Variants in RIMS1 observed in about 807,000 individuals in gnomAD.
RIMS1 encodes the protein regulating synaptic membrane exocytosis 1.
In RIMS1, 83 loss-of-function variants were observed where a neutral mutation model predicts 214.1. The ratio of observed to expected loss-of-function variants is 0.39; its 90% CI spans 0.32 to 0.47. The LOEUF (loss-of-function observed/expected upper bound fraction) is 0.47, where lower values mean the gene tolerates loss of function less well. Among genes scored for constraint, RIMS1 ranks in the 20% least tolerant of loss-of-function variants. The probability of loss-of-function intolerance (pLI) is 0.99; values close to 1 mark genes in which losing one functional copy is unlikely to be tolerated. For synonymous variants in RIMS1, 793 were observed against 786.8 expected, an observed-to-expected ratio of 1.01 and a Z score of -0.13; for missense variants, 2,050 against 2,161.8, an observed-to-expected ratio of 0.95 and a Z score of 1.03.
chr6:72,270,499 T>G (rs752545786), intron 22 of RIMS1, among the ~76,000 whole-genome samples: 5 of 152,176 alleles, frequency 3.3e-5, no homozygotes, highest in Admixed American at 6.5e-5. Flanking sequence ...AAAAAACACC[T>G]TCTACTTTTC....
chr6:72,143,022 T>C (rs996871969), intron 4 of RIMS1, among the ~76,000 whole-genome samples: 8 of 152,152 alleles, frequency 5.3e-5, no homozygotes, highest in Non-Finnish European at 1.2e-4. Context: ...GTAATCGTGA[T>C]CAAAGAATTG....
At chr6:71,934,666 G>T (rs951178938) in intron 1 of RIMS1, among the ~76,000 whole-genome samples, 2 of 152,066 alleles carry the variant, frequency 1.3e-5, no homozygotes, top group Non-Finnish European at 2.9e-5. Flanking sequence ...CAATATTAGC[G>T]GGATTATATT....
intron 13 of RIMS1, 75 bp downstream of exon 13, chr6:72,250,535 TG>T: frequency 4.5e-6 from 5 of 1,121,408 alleles, no homozygotes; most frequent in Non-Finnish European, 6.3e-6. Context: ...TCTTTTGGGA[TG>T]TTTTTAAAAA....
At position 72,263,097 on chromosome 6, in the gene RIMS1, G is replaced by A. The variant is rs538205462; in HGVS notation, c.3117-1878G>A. On this transcript the variant is annotated intron_variant, in intron 19 of 33. Coordinates refer to ENST00000521978, the MANE Select transcript of RIMS1 (RefSeq NM_014989.7). ...AGTTTTTCCAAAAATATGAAAACTT[G>A]TCCTATGAGATGTTTCACCAATAAG... 1.0e-5 allele frequency: 10 copies of A among 982,492 alleles called. No homozygotes were observed. In the African/African-American group the frequency reaches 1.0e-4, roughly 10 times the overall value. The allele number at this position is 982,492 out of a possible 1,614,324, so 60.9% of individuals were successfully genotyped here. A position where few individuals can be genotyped will look rare whatever the true frequency, so the allele number is the denominator to read the frequency against.
chr6:72,114,960 A>G (rs969162388), intron 4 of RIMS1, among the ~76,000 whole-genome samples: 2 of 151,900 alleles, frequency 1.3e-5, no homozygotes, highest in Admixed American at 6.6e-5. Flanking sequence ...GAATAAAAAG[A>G]GGCTCCCACC....
At chr6:72,308,076 T>C (rs1395190587) in intron 27 of RIMS1, among the ~76,000 whole-genome samples, 1 of 152,134 alleles carries the variant, frequency 6.6e-6, no homozygotes, top group Non-Finnish European at 1.5e-5. Context: ...TATTTGACTA[T>C]TGATATTTGT....
rs1463823029 is a variant in RIMS1 at position 72,182,773 on chromosome 6, G to A, written c.1302G>A (p.Ala434=). ...SPRAYSAERT[A]ETRAPGAKQL... is the part of the protein sequence containing the mutation. ...GGGCTTACTCGGCTGAGAGAACTGC[G>A]GAGACCAGGGCGCCGGGCGCCAAGC... Residue 434 remains alanine, a synonymous_variant, in exon 6 of 34, where the codon GCG becomes GCA. Transcript: ENST00000521978. 1 of 1,545,092 alleles carries A rather than the reference G, an allele frequency of 6.5e-7. No individual in the cohort carries two copies. The highest frequency in any genetic ancestry group is 1.2e-5 in the South Asian group (1 of 84,262).
chr6:72,255,273 G>A (rs751707978), intron 16 of RIMS1, among the ~76,000 whole-genome samples: 32 of 152,118 alleles, frequency 2.1e-4, no homozygotes, highest in African/African-American at 6.8e-4. Context: ...TTGCGTCTAC[G>A]TTTCCTAGCA....
intron 29 of RIMS1, among the ~76,000 whole-genome samples, chr6:72,354,278 CT>C (rs1372019634): frequency 1.3e-5 from 2 of 152,172 alleles, no homozygotes; most frequent in African/African-American, 4.8e-5. Flanking sequence ...CCTACATATT[CT>C]GTCTTCTTAG....
chr6:72,312,117 T>C (rs2095541876), intron 27 of RIMS1, among the ~76,000 whole-genome samples: 1 of 152,204 alleles, frequency 6.6e-6, no homozygotes, highest in Non-Finnish European at 1.5e-5. Flanking sequence ...AAATCCAGGT[T>C]GTAGCATCAG....
At chr6:72,083,884 G>A (rs112298843) in intron 2 of RIMS1, among the ~76,000 whole-genome samples, 1,763 of 152,226 alleles carry the variant, frequency 0.012, 11 homozygotes, top group Non-Finnish European at 0.018. Flanking sequence ...ATCCTGACCA[G>A]GCCAGACTCA....
In RIMS1 at chr6:72,392,820, A is replaced by C; in HGVS notation, c.4618+10A>C. 6.9e-7 allele frequency: 1 copy of C among 1,451,758 alleles called. No individual in the cohort carries two copies. The highest frequency in any genetic ancestry group is 9.5e-7 in the Non-Finnish European group (1 of 1,057,326). The allele number at this position is 1,451,758 out of a possible 1,614,324, so 89.9% of individuals were successfully genotyped here. On this transcript the variant is annotated intron_variant, in intron 31 of 33. Transcript: ENST00000521978. ...GCCACCCCTGCAATGGGTAAGAATC[A>C]TTTTTTTTTTCTACAAGAAAATTGA... is the stretch of plus-strand genomic sequence containing the variant.
chr6:72,154,091 A>C lies in RIMS1; in HGVS notation c.472-25484A>C, dbSNP rs186088583. Among the ~76,000 whole-genome samples, 171 of 152,312 alleles carry C rather than the reference A, an allele frequency of 1.1e-3. 2 individuals carry two copies. Among genetic ancestry groups the C allele is most frequent in the African/African-American group, 3.9e-3 (162 of 41,576 alleles). On this transcript the variant is annotated intron_variant, in intron 4 of 33. Transcript: ENST00000521978. ...GAGTGCTTGATTCCTGGAAAGAAAA[A>C]AAAATACACACACGCACGCACTCAC... is the stretch of plus-strand genomic sequence containing the variant.
intron 28 of RIMS1, among the ~76,000 whole-genome samples, chr6:72,322,514 A>AT (rs1202327899): frequency 2.0e-5 from 3 of 152,146 alleles, no homozygotes; most frequent in African/African-American, 7.2e-5. Flanking sequence ...TTCCCCAGGC[A>AT]TGACAGTATA....
At chr6:72,384,489 TA>T (rs2098551182) in intron 29 of RIMS1, among the ~76,000 whole-genome samples, 1 of 152,300 alleles carries the variant, frequency 6.6e-6, no homozygotes, top group Non-Finnish European at 1.5e-5. Flanking sequence ...TAATCAACAT[TA>T]TTTTTTTAGT....
intron 6 of RIMS1, among the ~76,000 whole-genome samples, chr6:72,189,529 A>G (rs1014958980): frequency 6.6e-6 from 1 of 152,236 alleles, no homozygotes; most frequent in African/African-American, 2.4e-5. Flanking sequence ...TGTCTGTTCC[A>G]GTAAGGACAA....
At chr6:72,045,857 T>C (rs1219511849) in intron 2 of RIMS1, among the ~76,000 whole-genome samples, 1 of 151,726 alleles carries the variant, frequency 6.6e-6, no homozygotes, top group Non-Finnish European at 1.5e-5. Context: ...TTTGGGTCTT[T>C]GTATTATTTA....
rs1354299398 is a variant in RIMS1 at position 72,235,573 on chromosome 6, A to G, written c.1747-45A>G. ...CATTCTTTTTATAGCTGAATGCATT[A>G]CATTCTGTATATATTACTTTTTAAA... On this transcript the variant is annotated intron_variant, in intron 7 of 33. Coordinates refer to ENST00000521978, the MANE Select transcript of RIMS1 (RefSeq NM_014989.7). The G allele has an allele frequency of 4.0e-6, 5 of 1,242,472 alleles. No individual in the cohort carries two copies. The African/African-American group carries it at 4.5e-5, about 11-fold the overall frequency. The allele number at this position is 1,242,472 out of a possible 1,614,324, so 77.0% of individuals were successfully genotyped here.
chr6:72,138,385 C>G (rs559688586), intron 4 of RIMS1, among the ~76,000 whole-genome samples: 2 of 152,174 alleles, frequency 1.3e-5, no homozygotes, highest in Non-Finnish European at 2.9e-5. Context: ...CCCTTAAGCC[C>G]ATTTACAATT....
Sources: allele counts gnomAD v4.1 joint callset (sites outside exome capture counted in the v4.1 genomes callset), GRCh38; gene constraint gnomAD v4.1.1; transcripts MANE v1.5; gene names NCBI Gene and HGNC (gene_info 2026-07-23, HGNC 2026-07-21).